The following CSTF3 variants were observed in gnomAD, a reference collection of about 807,000 sequenced individuals.
CSTF3 encodes the protein cleavage stimulation factor subunit 3.
CSTF3 carries 29 observed loss-of-function variants against 105.8 expected under a neutral mutation model. That is an observed-to-expected ratio of 0.27 (90% CI 0.20 to 0.37). The LOEUF (loss-of-function observed/expected upper bound fraction) is 0.37, where lower values mean the gene tolerates loss of function less well. CSTF3 is among the 10% of genes least tolerant of loss of function. The pLI is 1.00. For synonymous variants in CSTF3, 252 were observed against 281.9 expected (o/e 0.89, Z 1.06); for missense variants, 357 against 879.3 (o/e 0.41, Z 7.51).
intron 13 of CSTF3, among the ~76,000 whole-genome samples, chr11:33,097,656 C>T (rs944746645): frequency 3.3e-5 from 5 of 152,116 alleles, no homozygotes; most frequent in African/African-American, 9.7e-5. Flanking sequence ...TGTGAGCTAC[C>T]GCGCCCAGCC....
intron 1 of CSTF3, among the ~76,000 whole-genome samples, chr11:33,150,542 A>G (rs1166804088): frequency 6.6e-6 from 1 of 152,152 alleles, no homozygotes; most frequent in East Asian, 1.9e-4. Context: ...TAACACAACC[A>G]TGTACAACTG....
chr11:33,124,351 C>G (rs148625128), intron 3 of CSTF3, among the ~76,000 whole-genome samples: 6 of 152,056 alleles, frequency 3.9e-5, no homozygotes, highest in African/African-American at 1.4e-4. Context: ...AATTTCCAAC[C>G]AAGTCAAAGG....
chr11:33,117,484 T>A (rs113146416), intron 3 of CSTF3, among the ~76,000 whole-genome samples: 2 of 152,000 alleles, frequency 1.3e-5, no homozygotes, highest in African/African-American at 4.8e-5. Context: ...ATATTTAATG[T>A]TTGTAAGCAC....
intron 4 of CSTF3, among the ~76,000 whole-genome samples, 177 bp from the exon 5 acceptor site, chr11:33,108,177 G>T (rs777332059): frequency 2.9e-4 from 44 of 152,108 alleles, no homozygotes; most frequent in Non-Finnish European, 5.0e-4. Flanking sequence ...CTCATGATTT[G>T]TCAGGGGAGT....
rs1855086070 is a variant in CSTF3 at position 33,084,858 on chromosome 11, T to A, written c.*229A>T. 1.8e-6 allele frequency: 1 copy of A among 569,604 alleles called. No individual in the cohort carries two copies. The highest frequency in any genetic ancestry group is 3.1e-6 in the Non-Finnish European group (1 of 319,860). 35.3% of individuals were successfully genotyped at this position (569,604 alleles called of 1,614,324 possible). A position where few individuals can be genotyped will look rare whatever the true frequency, so the allele number is the denominator to read the frequency against. On this transcript the variant is annotated 3_prime_UTR_variant, in exon 21 of 21. Coordinates refer to ENST00000323959, the MANE Select transcript of CSTF3 (RefSeq NM_001326.3). ...AAAATGTGGTTCTGCCACTTTGTACTGTTCTCACATTTTTGAAAACCTAAT... is the reference window on the plus strand; with the variant it reads ...AAAATGTGGTTCTGCCACTTTGTACAGTTCTCACATTTTTGAAAACCTAAT...
chr11:33,135,143 A>G (rs1206442582), intron 3 of CSTF3, among the ~76,000 whole-genome samples: 1 of 152,170 alleles, frequency 6.6e-6, no homozygotes, highest in Non-Finnish European at 1.5e-5. Flanking sequence ...AGTTTATGCA[A>G]CCAGAAAATC....
At chr11:33,114,776 G>A (rs1035780515) in intron 3 of CSTF3, among the ~76,000 whole-genome samples, 3 of 152,030 alleles carry the variant, frequency 2.0e-5, no homozygotes, top group South Asian at 4.2e-4. Context: ...GCTTGAACCC[G>A]GGAGGTGGAG....
chr11:33,140,639 T>C (rs1249550153), intron 3 of CSTF3, among the ~76,000 whole-genome samples: 2 of 152,104 alleles, frequency 1.3e-5, no homozygotes, highest in Non-Finnish European at 2.9e-5. Context: ...GTACTGCTGA[T>C]GACCAAAGCC....
At chr11:33,122,152 C>T (rs996478073) in intron 3 of CSTF3, among the ~76,000 whole-genome samples, 1 of 152,148 alleles carries the variant, frequency 6.6e-6, no homozygotes, top group Non-Finnish European at 1.5e-5. Context: ...TGTTGGATAG[C>T]AAAGTGTGCA....
At chr11:33,087,499 C>T (rs1855117994) in intron 17 of CSTF3, among the ~76,000 whole-genome samples, 1 of 152,174 alleles carries the variant, frequency 6.6e-6, no homozygotes, top group African/African-American at 2.4e-5. Flanking sequence ...TCTTCTGACA[C>T]CTCCCTTCCA....
At chr11:33,146,593 A>G (rs1243644097) in intron 1 of CSTF3, among the ~76,000 whole-genome samples, 1 of 146,572 alleles carries the variant, frequency 6.8e-6, no homozygotes, top group African/African-American at 2.5e-5. Context: ...AAAAGGACCA[A>G]TTAAATAAAT....
chr11:33,106,309 G>A (rs138119998), intron 5 of CSTF3, among the ~76,000 whole-genome samples: 64 of 152,170 alleles, frequency 4.2e-4, no homozygotes, highest in African/African-American at 1.3e-3. Flanking sequence ...CTAGCTACTC[G>A]GAAGGCTGAG....
chr11:33,095,819 CAAATAAATAAAT>C (rs61377553), intron 15 of CSTF3, among the ~76,000 whole-genome samples: 48 of 146,138 alleles, frequency 3.3e-4, no homozygotes, highest in African/African-American at 1.0e-3. Context: ...GACTCTGTCT[CAAATAAATAAAT>C]AAATAAATAA....
chr11:33,161,232 TG>T, intron 1 of CSTF3, 66 bp downstream of exon 1: 4 of 1,580,864 alleles, frequency 2.5e-6, no homozygotes, highest in Non-Finnish European at 2.6e-6. Context: ...CGAACATGTC[TG>T]GAGCAGTCGG....
At chr11:33,086,062 G>T in intron 18 of CSTF3, 73 bp from the exon 19 acceptor site, 1 of 942,030 alleles carries the variant, frequency 1.1e-6, no homozygotes, top group Non-Finnish European at 1.5e-6. Context: ...CAAGTGACTT[G>T]CACATAAAGA....
At position 33,085,227 on chromosome 11, in the gene CSTF3, C is replaced by T. The variant is rs1369622217; in HGVS notation, c.2014G>A (p.Gly672Ser). The change falls in exon 21 of 21, where the codon GGC becomes AGC. Residue 672 changes from glycine to serine, a missense_variant. Around this residue, in one of 4 missense-constraint regions of CSTF3, gnomAD observed 73 missense variants for 105.8 expected, o/e 0.69. Coordinates refer to ENST00000323959, the MANE Select transcript of CSTF3 (RefSeq NM_001326.3). ...AGTACTGCATTACTTTCCACGGGGC[C>T]GTTGCCTTCTACAGCTAGCTCTGGG... ...GAPELAVEGN[G>S]PVESNAVLTK... The T allele has an allele frequency of 1.9e-6, 3 of 1,601,578 alleles. No individual in the cohort carries two copies. Among genetic ancestry groups the T allele is most frequent in the East Asian group, 2.2e-5 (1 of 44,718 alleles).
At chr11:33,098,467 A>C (rs931018473) in intron 13 of CSTF3, among the ~76,000 whole-genome samples, 1 of 152,190 alleles carries the variant, frequency 6.6e-6, no homozygotes, top group African/African-American at 2.4e-5. Context: ...GTAAGGGCAG[A>C]GGGAAGGGTT....
At chr11:33,094,094 C>G (rs1855195799) in intron 15 of CSTF3, among the ~76,000 whole-genome samples, 1 of 152,222 alleles carries the variant, frequency 6.6e-6, no homozygotes, top group South Asian at 2.1e-4. Flanking sequence ...AAATTATACT[C>G]TCTTCTCTGT....
At chr11:33,107,508 TTGTCAGAGATCCCTTATATCACTACAAA>T (rs1478228580) in intron 5 of CSTF3, among the ~76,000 whole-genome samples, 1 of 152,176 alleles carries the variant, frequency 6.6e-6, no homozygotes, top group Non-Finnish European at 1.5e-5. Flanking sequence ...CACAATACAA[TTGTCAGAGATCCCTTATATCACTACAAA>T]TGTCAGAGAC....
Sources: gnomAD v4.1 joint callset for allele counts (sites outside exome capture counted in the v4.1 genomes callset) on GRCh38, gnomAD v4.1.1 for gene constraint, gnomAD v4.1.1 regional missense constraint, MANE v1.5 for transcripts, NCBI Gene and HGNC (gene_info 2026-07-23, HGNC 2026-07-21) for gene names.